Variants in APBB2 observed in about 807,000 individuals in gnomAD.
The protein encoded by APBB2 is Fe65-like 1.
A neutral mutation model predicts 82.5 loss-of-function variants in APBB2; 38 were observed. That is an observed-to-expected ratio of 0.46 (90% CI 0.36 to 0.60). APBB2 has a LOEUF of 0.60. Ranked by LOEUF, APBB2 falls within the 20% of genes least tolerant of loss-of-function variation. APBB2 has a pLI of 0.00. For synonymous variants in APBB2, 341 were observed against 368.2 expected, an observed-to-expected ratio of 0.93 and a Z score of 0.85; for missense variants, 772 against 972.3, an observed-to-expected ratio of 0.79 and a Z score of 2.74.
intron 3 of APBB2, among the ~76,000 whole-genome samples, chr4:41,074,816 A>T (rs931384368): frequency 7.9e-5 from 12 of 151,912 alleles, no homozygotes; most frequent in African/African-American, 2.4e-4. Context: ...TCACCATATT[A>T]TTGTTTTTTT....
chr4:41,189,554 G>T (rs1202582826), intron 1 of APBB2, among the ~76,000 whole-genome samples: 1 of 152,074 alleles, frequency 6.6e-6, no homozygotes, highest in Non-Finnish European at 1.5e-5. Context: ...AATCCCCTCC[G>T]AAAACAGCTC....
At chr4:41,167,809 G>A (rs1767080785) in intron 1 of APBB2, among the ~76,000 whole-genome samples, 1 of 152,172 alleles carries the variant, frequency 6.6e-6, no homozygotes, top group South Asian at 2.1e-4. Context: ...TTCCCTAGAT[G>A]AGAACAAAGA....
intron 3 of APBB2, among the ~76,000 whole-genome samples, chr4:41,070,379 G>GAGAC (rs1312612636): frequency 6.6e-6 from 1 of 150,704 alleles, no homozygotes; most frequent in Non-Finnish European, 1.5e-5. Context: ...GTGAGATCTC[G>GAGAC]GCTCACTCCA....
chr4:40,912,599 G>C (rs1778860860), intron 10 of APBB2, among the ~76,000 whole-genome samples: 1 of 148,188 alleles, frequency 6.7e-6, no homozygotes, highest in African/African-American at 2.5e-5. Context: ...AAAAAGGACA[G>C]CTCAGTTATT....
At chr4:41,192,516 T>C (rs1774747278) in intron 1 of APBB2, among the ~76,000 whole-genome samples, 2 of 152,146 alleles carry the variant, frequency 1.3e-5, no homozygotes, top group African/African-American at 4.8e-5. Context: ...GATATTATGC[T>C]AAGTGGTATT....
chr4:41,169,829 GA>G (rs970475635), intron 1 of APBB2, among the ~76,000 whole-genome samples: 3 of 147,678 alleles, frequency 2.0e-5, no homozygotes, highest in Non-Finnish European at 3.0e-5. Context: ...AATAGGGGGG[GA>G]AAAAAGGAAA....
chr4:40,845,509 A>C (rs1023008609), intron 12 of APBB2, among the ~76,000 whole-genome samples: 3 of 141,524 alleles, frequency 2.1e-5, no homozygotes, highest in Non-Finnish European at 4.5e-5. Flanking sequence ...GTAATTGGCA[A>C]TGTTTTCATT....
chr4:41,074,223 C>A (rs971953356), intron 3 of APBB2, among the ~76,000 whole-genome samples: 4 of 152,102 alleles, frequency 2.6e-5, no homozygotes, highest in African/African-American at 9.7e-5. Context: ...TTTCCATCAT[C>A]TTTCTTACCA....
rs1421744153 is a variant in APBB2 at position 40,830,547 on chromosome 4, A to T, written c.1560T>A (p.Asp520Glu). ...ATACATGACATTTCAAAATTCTTGT[A>T]TCTTTATCTCTTGCTACATAAGCAA... ...RDFAYVARDK[D>E]TRILKCHVFR... is the part of the protein sequence containing the mutation. The change falls in exon 13 of 18, where the codon GAT becomes GAA. Residue 520 changes from aspartate (D) to glutamate (E), a missense_variant. Transcript: ENST00000508593. 1.2e-6 allele frequency: 2 copies of T among 1,613,884 alleles called. No individual in the cohort carries two copies. Among genetic ancestry groups the T allele is most frequent in the Non-Finnish European group, 1.7e-6 (2 of 1,179,888 alleles).
chr4:41,039,450 T>G (rs1237806786), intron 4 of APBB2, among the ~76,000 whole-genome samples: 4 of 152,232 alleles, frequency 2.6e-5, no homozygotes, highest in South Asian at 2.1e-4. Context: ...TTCAACTGTC[T>G]TGTTGGACTG....
intron 1 of APBB2, among the ~76,000 whole-genome samples, chr4:41,163,385 G>C (rs1315589280): frequency 6.6e-6 from 1 of 152,150 alleles, no homozygotes; most frequent in East Asian, 1.9e-4. Flanking sequence ...TAATCCACCT[G>C]ATGGGTCCCT....
chr4:40,893,384 C>A lies in APBB2; in HGVS notation c.1282G>T (p.Val428Leu), dbSNP rs755100689. ...KCFAVRSLGW[V>L]EMAEEDLAPG... ...GCGAGGTCCTCTTCTGCCATCTCTA[C>A]CCATCCCAGAGAACGCACAGCAAAA... is the stretch of plus-strand genomic sequence containing the variant. The change falls in exon 11 of 18, where the codon GTA becomes TTA. Residue 428 changes from valine (V) to leucine (L), a missense_variant. Transcript: ENST00000508593. 2.5e-6 allele frequency: 4 copies of A among 1,612,952 alleles called. No homozygotes were observed. In the Admixed American group the frequency reaches 6.7e-5, roughly 27 times the overall value.
At chr4:40,910,722 G>C (rs569722866) in intron 10 of APBB2, among the ~76,000 whole-genome samples, 1 of 152,224 alleles carries the variant, frequency 6.6e-6, no homozygotes, top group Non-Finnish European at 1.5e-5. Flanking sequence ...GAAGACACTC[G>C]AGCTTGAGAC....
At chr4:41,048,164 C>T (rs982944286) in intron 4 of APBB2, among the ~76,000 whole-genome samples, 1 of 152,142 alleles carries the variant, frequency 6.6e-6, no homozygotes, top group African/African-American at 2.4e-5. Context: ...ATCCCAAATC[C>T]AAAAATCTGA....
intron 6 of APBB2, 64 bp from the exon 7 acceptor site, chr4:40,945,137 T>A: frequency 7.8e-7 from 1 of 1,286,162 alleles, no homozygotes; most frequent in Non-Finnish European, 1.1e-6. Context: ...ATGTCAGCAC[T>A]ATTCGTCAGG....
At chr4:41,212,611 T>C (rs1779598140) in intron 1 of APBB2, among the ~76,000 whole-genome samples, 2 of 152,212 alleles carry the variant, frequency 1.3e-5, no homozygotes, top group South Asian at 4.1e-4. Flanking sequence ...ATCTCAACTT[T>C]AGAGTCGTCT....
chr4:41,185,009 C>T (rs564603112), intron 1 of APBB2, among the ~76,000 whole-genome samples: 10 of 152,346 alleles, frequency 6.6e-5, no homozygotes, highest in Non-Finnish European at 1.3e-4. Context: ...ACCTGAGACA[C>T]TTATCTATCT....
Position 41,029,395 on chromosome 4 carries a change from G to A in APBB2, c.19+3841C>T, listed in dbSNP as rs376779065. Among the ~76,000 whole-genome samples, 41 of 152,274 alleles carry A rather than the reference G, an allele frequency of 2.7e-4. 1 individual carries two copies. In the South Asian group the frequency reaches 5.4e-3, roughly 20 times the overall value. On this transcript the variant is annotated intron_variant, in intron 5 of 17. Coordinates refer to ENST00000508593, the MANE Select transcript of APBB2 (RefSeq NM_004307.2). ...TATCAATAAGGCAGCTTGGGTCACC[G>A]GGCCAGGGAGATGGGAGGATTTGAA... is the stretch of plus-strand genomic sequence containing the variant.
At chr4:40,816,383 A>G in intron 17 of APBB2, 124 bp from the exon 18 acceptor site, 1 of 985,088 alleles carries the variant, frequency 1.0e-6, no homozygotes, top group Non-Finnish European at 1.5e-6. Flanking sequence ...TCCTAAACAT[A>G]AATCCAAGAG....
Sources: gnomAD v4.1 joint callset for allele counts (sites outside exome capture counted in the v4.1 genomes callset) on GRCh38, gnomAD v4.1.1 for gene constraint, MANE v1.5 for transcripts, NCBI Gene and HGNC (gene_info 2026-07-23, HGNC 2026-07-21) for gene names.